Variants in RSF1 observed in about 807,000 individuals in gnomAD.
The protein encoded by RSF1 is remodeling and spacing factor 1.
A neutral mutation model predicts 145.2 loss-of-function variants in RSF1; 13 were observed. That is an observed-to-expected ratio of 0.09 (90% confidence interval 0.06 to 0.14). The LOEUF is 0.14. Among genes scored for constraint, RSF1 ranks in the 10% least tolerant of loss-of-function variants. RSF1 has a pLI of 1.00. For missense variants in RSF1, 1,517 were observed against 1,718.2 expected, an observed-to-expected ratio of 0.88 and a Z score of 2.07; for synonymous variants, 577 against 592.6, an observed-to-expected ratio of 0.97 and a Z score of 0.38.
the RSF1 span, among the ~76,000 whole-genome samples, chr11:77,830,799 C>T: frequency 6.6e-6 from 1 of 151,840 alleles, no homozygotes; most frequent in Non-Finnish European, 1.5e-5. Flanking sequence ...TGAAAAGATA[C>T]TCAACATCAT....
At chr11:77,670,304 T>A (rs950952262) in intron 15 of RSF1, among the ~76,000 whole-genome samples, 1 of 152,172 alleles carries the variant, frequency 6.6e-6, no homozygotes, top group Non-Finnish European at 1.5e-5. Flanking sequence ...AAGGCCTTCA[T>A]ATTTATTGTT....
chr11:77,728,302 A>G (rs1360384649), intron 4 of RSF1, among the ~76,000 whole-genome samples: 1 of 152,220 alleles, frequency 6.6e-6, no homozygotes, highest in Non-Finnish European at 1.5e-5. Flanking sequence ...ACATATGGAA[A>G]TACTACTCAG....
At chr11:77,756,183 C>T (rs568724477) in intron 2 of RSF1, among the ~76,000 whole-genome samples, 7 of 151,898 alleles carry the variant, frequency 4.6e-5, no homozygotes, top group African/African-American at 1.7e-4. Flanking sequence ...CACGGAGAAA[C>T]CCTGTCTCAG....
At chr11:77,678,218 T>A in intron 11 of RSF1, 65 bp from the exon 12 acceptor site, 1 of 914,144 alleles carries the variant, frequency 1.1e-6, no homozygotes. Flanking sequence ...TTTTAATTAT[T>A]TTTATTTATT....
At chr11:77,800,066 G>A (rs770049534) in intron 1 of RSF1, among the ~76,000 whole-genome samples, 10 of 152,166 alleles carry the variant, frequency 6.6e-5, no homozygotes, top group Non-Finnish European at 1.3e-4. Flanking sequence ...GATCACTTTA[G>A]ATCAGGAATT....
chr11:77,760,966 C>G (rs1948165321), intron 2 of RSF1, among the ~76,000 whole-genome samples: 1 of 151,784 alleles, frequency 6.6e-6, no homozygotes, highest in Non-Finnish European at 1.5e-5. Context: ...GGGTGGAGTG[C>G]AGTGGTGCAA....
rs1035790844 is a variant in RSF1, at chr11:77,663,290, T to C, written c.*3627A>G. On this transcript the variant is annotated 3_prime_UTR_variant, in exon 16 of 16. Transcript: ENST00000308488. The stretch of plus-strand genomic sequence containing the variant: ...ACAAAGGACACCCCACCAGTCCCAC[T>C]TAAAAACAGCTAACATTTCCTCATC... The C allele has an allele frequency of 6.6e-6, 1 of 152,184 alleles. No individual in the cohort carries two copies. Among genetic ancestry groups the C allele is most frequent in the African/African-American group, 2.4e-5 (1 of 41,452 alleles). The allele number at this position is 152,184 out of a possible 1,614,324, so 9.4% of individuals were successfully genotyped here. A position where few individuals can be genotyped will look rare whatever the true frequency, so the allele number is the denominator to read the frequency against.
chr11:77,820,757 G>A (rs1253963344), upstream of RSF1: 11 of 1,521,628 alleles, frequency 7.2e-6, no homozygotes, highest in Middle Eastern at 2.3e-4. Context: ...GGGGGCGGGG[G>A]AAGTTGTGGT....
intron 3 of RSF1, among the ~76,000 whole-genome samples, chr11:77,744,753 G>C (rs1055278462): frequency 6.6e-6 from 1 of 152,174 alleles, no homozygotes; most frequent in Non-Finnish European, 1.5e-5. Flanking sequence ...TGTTCATTGG[G>C]AATATTACTT....
intron 1 of RSF1, among the ~76,000 whole-genome samples, chr11:77,807,624 T>C (rs1052489663): frequency 3.3e-5 from 5 of 152,180 alleles, no homozygotes; most frequent in Admixed American, 6.5e-5. Context: ...AGCATAAATA[T>C]AGAGTTTAAA....
chr11:77,674,408 C>CT (rs1486685473), intron 14 of RSF1, among the ~76,000 whole-genome samples: 1 of 152,220 alleles, frequency 6.6e-6, no homozygotes, highest in East Asian at 1.9e-4. Flanking sequence ...CTACTCAACA[C>CT]TGACTGTGGT....
At chr11:77,670,746 CT>C (rs1347629132) in intron 15 of RSF1, among the ~76,000 whole-genome samples, 1 of 151,876 alleles carries the variant, frequency 6.6e-6, no homozygotes, top group Non-Finnish European at 1.5e-5. Context: ...TTTTTTTTCC[CT>C]TTCTCTTTTG....
chr11:77,861,717 C>T, the RSF1 span, among the ~76,000 whole-genome samples: 1 of 152,204 alleles, frequency 6.6e-6, no homozygotes, highest in Non-Finnish European at 1.5e-5. Flanking sequence ...ATTAGGCATT[C>T]AATTTCCCTA....
At position 77,798,581 on chromosome 11, in the gene RSF1, TAAAAAAAAAAAA is replaced by T. The variant is rs543236647; in HGVS notation, c.187+21935_187+21946del. Among the ~76,000 whole-genome samples, 120 of 24,486 alleles carry T rather than the reference TAAAAAAAAAAAA, an allele frequency of 4.9e-3. 1 individual carries two copies. Among genetic ancestry groups the T allele is most frequent in the African/African-American group, 0.012 (95 of 7,734 alleles). 16.1% of individuals were successfully genotyped at this position (24,486 alleles called of 152,430 possible). On this transcript the variant is annotated intron_variant, in intron 1 of 15. Transcript: ENST00000308488. The stretch of plus-strand genomic sequence containing the variant: ...GCATGACAGGAACGAGACTCCATCT[TAAAAAAAAAAAA>T]AAAAAAAAAAAAAAAAAAAAAAAAA...
the RSF1 span, among the ~76,000 whole-genome samples, chr11:77,868,258 T>C: frequency 6.6e-6 from 1 of 151,584 alleles, no homozygotes; most frequent in Non-Finnish European, 1.5e-5. Flanking sequence ...GGTTTCACCG[T>C]GTTAGCCAGG....
At chr11:77,784,712 C>T (rs1948437438) in intron 1 of RSF1, among the ~76,000 whole-genome samples, 1 of 152,182 alleles carries the variant, frequency 6.6e-6, no homozygotes, top group South Asian at 2.1e-4. Flanking sequence ...CCTTTTCTGT[C>T]AGGTTTACTA....
chr11:77,770,846 C>G (rs1005574443), intron 1 of RSF1, among the ~76,000 whole-genome samples: 15 of 152,162 alleles, frequency 9.9e-5, no homozygotes, highest in Non-Finnish European at 1.5e-5. Context: ...AACCACCTTT[C>G]CTGAAGAAGG....
At chr11:77,705,773 C>T (rs1395750594) in intron 5 of RSF1, among the ~76,000 whole-genome samples, 1 of 151,870 alleles carries the variant, frequency 6.6e-6, no homozygotes, top group Non-Finnish European at 1.5e-5. Context: ...GGGAGGATTG[C>T]TTGAGCCCAG....
At chr11:77,742,139 C>T (rs1044581576) in intron 3 of RSF1, among the ~76,000 whole-genome samples, 3 of 152,216 alleles carry the variant, frequency 2.0e-5, no homozygotes, top group Non-Finnish European at 4.4e-5. Context: ...GAAACAAATT[C>T]TTCTTCCGTT....
Sources: allele counts gnomAD v4.1 joint callset (sites outside exome capture counted in the v4.1 genomes callset), GRCh38; gene constraint gnomAD v4.1.1; transcripts MANE v1.5; gene names NCBI Gene and HGNC (gene_info 2026-07-23, HGNC 2026-07-21).